Variants in GLIS3 observed in about 807,000 individuals in gnomAD.
GLIS3 encodes GLIS family zinc finger 3.
In GLIS3, 53 loss-of-function variants were observed where a neutral mutation model predicts 78.6. The ratio of observed to expected loss-of-function variants is 0.67; its 90% CI spans 0.54 to 0.85. The LOEUF is 0.85. GLIS3 is among the 40% of genes least tolerant of loss of function. The pLI is 0.00. For synonymous variants in GLIS3, 684 were observed against 509.9 expected (o/e 1.34, Z -4.60); for missense variants, 1,703 against 1,231.1 (o/e 1.38, Z -5.74).
At chr9:4,195,561 C>T (rs774120718) in intron 2 of GLIS3, among the ~76,000 whole-genome samples, 9 of 152,242 alleles carry the variant, frequency 5.9e-5, no homozygotes, top group East Asian at 1.9e-4. Flanking sequence ...ACCTGCAGCC[C>T]GCCATGCCCG....
At chr9:4,435,998 C>T in the GLIS3 span, among the ~76,000 whole-genome samples, 2 of 152,056 alleles carry the variant, frequency 1.3e-5, no homozygotes, top group East Asian at 1.9e-4. Context: ...AAAAATCTTC[C>T]CCTAAATTAT....
At chr9:4,341,783 G>T (rs541603855) in intron 2 of GLIS3, among the ~76,000 whole-genome samples, 2 of 152,150 alleles carry the variant, frequency 1.3e-5, no homozygotes, top group Non-Finnish European at 2.9e-5. Flanking sequence ...TAGATCCCAT[G>T]GCCAACAAAT....
chr9:4,417,530 T>C, the GLIS3 span, among the ~76,000 whole-genome samples: 3 of 152,226 alleles, frequency 2.0e-5, no homozygotes, highest in African/African-American at 7.2e-5. Context: ...TTTTGGTAGA[T>C]ATATAGTTTG....
Position 4,118,225 on chromosome 9 carries a change from G to A in GLIS3, c.1253C>T (p.Pro418Leu). The change falls in exon 4 of 11, where the codon CCG becomes CTG. Residue 418 changes from proline to leucine, a missense_variant. Physicochemically the swap from Pro to Leu is moderately conservative, Grantham distance 98 (BLOSUM62 -3). Transcript: ENST00000381971. This position sits in a 1 kb window ranked among gnomAD's most constrained non-coding sequence, Gnocchi z 4.7. Reference protein sequence around the residue: ...VNHMVVQHGLPGPDSQSAGLF... With the variant: ...VNHMVVQHGLLGPDSQSAGLF... ...GCCGGCCGACTGGCTGTCGGGGCCC[G>A]GCAGGCCATGCTGCACCACCATGTG... 4.4e-6 allele frequency: 7 copies of A among 1,585,604 alleles called. No homozygotes were observed. The highest frequency in any genetic ancestry group is 2.3e-5 in the South Asian group (2 of 87,346).
intron 2 of GLIS3, among the ~76,000 whole-genome samples, chr9:4,213,940 A>G (rs568948237): frequency 6.8e-6 from 1 of 146,550 alleles, no homozygotes. Flanking sequence ...AAAAAAAAAA[A>G]AACAACTAAA....
In GLIS3 at chr9:3,883,090, CA is replaced by C. The variant is rs573875359; in HGVS notation, c.2129-3496del. 1.8e-3 allele frequency among the ~76,000 whole-genome samples: 269 copies of C among 151,934 alleles called. 1 individual carries two copies. Among genetic ancestry groups the C allele is most frequent in the South Asian group, 9.8e-3 (47 of 4,806 alleles). ...TCCAATCCCCATCTCACATACCCTT[CA>C]AAAAAAATGGACAACACTCTGGAGT... On this transcript the variant is annotated intron_variant, in intron 7 of 10. Transcript: ENST00000381971.
intron 5 of GLIS3, among the ~76,000 whole-genome samples, chr9:3,935,744 TAG>T (rs1825868198): frequency 2.6e-4 from 40 of 152,154 alleles, no homozygotes; most frequent in Non-Finnish European, 1.5e-5. Context: ...TTTTTCTACT[TAG>T]AAAAATCCCA....
At chr9:4,105,090 A>G (rs1346386491) in intron 4 of GLIS3, among the ~76,000 whole-genome samples, 1 of 152,202 alleles carries the variant, frequency 6.6e-6, no homozygotes. Flanking sequence ...AATTATGTTA[A>G]TAACCTTAGA....
the GLIS3 span, among the ~76,000 whole-genome samples, chr9:4,459,857 GTGATTAACCATGCTAAATGCTGC>G: frequency 2.6e-5 from 4 of 152,192 alleles, no homozygotes; most frequent in Admixed American, 6.5e-5. Context: ...GGAGGAGGAA[GTGATTAACCATGCTAAATGCTGC>G]TGAATGATGG....
At chr9:3,958,330 C>T (rs771725388) in intron 4 of GLIS3, among the ~76,000 whole-genome samples, 4 of 151,982 alleles carry the variant, frequency 2.6e-5, no homozygotes, top group Non-Finnish European at 4.4e-5. Context: ...ATGGGCCAGA[C>T]GCTTACATAA....
At chr9:4,220,944 C>T (rs1487406894) in intron 2 of GLIS3, among the ~76,000 whole-genome samples, 1 of 152,092 alleles carries the variant, frequency 6.6e-6, no homozygotes, top group East Asian at 1.9e-4. Flanking sequence ...ATGATCACAG[C>T]ACTGCACTCC....
At chr9:4,368,675 C>T in the GLIS3 span, among the ~76,000 whole-genome samples, 1 of 152,178 alleles carries the variant, frequency 6.6e-6, no homozygotes, top group Non-Finnish European at 1.5e-5. Context: ...CTTCTTAAGC[C>T]AAGCACTGGC....
intron 7 of GLIS3, among the ~76,000 whole-genome samples, chr9:3,889,519 A>C (rs1336526785): frequency 2.0e-5 from 3 of 152,226 alleles, no homozygotes; most frequent in Non-Finnish European, 2.9e-5. Context: ...GGATCAATAA[A>C]ATGATAAAAT....
intron 2 of GLIS3, among the ~76,000 whole-genome samples, chr9:4,151,799 C>T (rs1275005933): frequency 6.6e-6 from 1 of 152,136 alleles, no homozygotes; most frequent in Non-Finnish European, 1.5e-5. Flanking sequence ...GCATAATAAT[C>T]ATCTGTTCCT....
chr9:3,905,659 C>T (rs545688125), intron 6 of GLIS3, among the ~76,000 whole-genome samples: 4 of 152,246 alleles, frequency 2.6e-5, no homozygotes, highest in South Asian at 4.1e-4. Flanking sequence ...TTTCCCTTGA[C>T]GATCACCCCT....
At position 3,932,238 on chromosome 9, in the gene GLIS3, G is replaced by A. The variant is rs543479963; in HGVS notation, c.1983+122C>T. The A allele has an allele frequency of 1.8e-4, 133 of 739,066 alleles. 2 individuals are homozygous for A. In the South Asian group the frequency reaches 1.8e-3, roughly 10 times the overall value. The allele number at this position is 739,066 out of a possible 1,614,324, so 45.8% of individuals were successfully genotyped here. ...TCATGGGAGACTTACCTCCTCAAACGGTCTAAAGCAGGTTATACCATGAGA... is the reference window on the plus strand; with the variant it reads ...TCATGGGAGACTTACCTCCTCAAACAGTCTAAAGCAGGTTATACCATGAGA... On this transcript the variant is annotated intron_variant, in intron 6 of 10. Transcript: ENST00000381971.
chr9:4,088,427 T>C (rs934231850), intron 4 of GLIS3, among the ~76,000 whole-genome samples: 2 of 152,226 alleles, frequency 1.3e-5, no homozygotes, highest in Non-Finnish European at 2.9e-5. Context: ...CCCACTGAAA[T>C]GAGAGATGAA....
intron 2 of GLIS3, among the ~76,000 whole-genome samples, chr9:4,272,866 C>T (rs1048346849): frequency 6.6e-6 from 1 of 152,114 alleles, no homozygotes; most frequent in African/African-American, 2.4e-5. Context: ...TAGTCCTATG[C>T]GTAATTATTA....
chr9:3,861,263 TA>T (rs1820193380), intron 8 of GLIS3, among the ~76,000 whole-genome samples: 1 of 152,158 alleles, frequency 6.6e-6, no homozygotes, highest in Non-Finnish European at 1.5e-5. Flanking sequence ...TATTCAGATA[TA>T]AACACTAAGG....
Sources: gnomAD v4.1 joint callset for allele counts (sites outside exome capture counted in the v4.1 genomes callset) on GRCh38, gnomAD v4.1.1 for gene constraint, Gnocchi (gnomAD v3.1) non-coding constraint, MANE v1.5 for transcripts, NCBI Gene and HGNC (gene_info 2026-07-23, HGNC 2026-07-21) for gene names.